AVPR2: variants seen among roughly 807,000 people sequenced by gnomAD.
AVPR2 encodes arginine vasopressin receptor 2, also known as vasopressin V2 receptor.
A neutral mutation model predicts 12.0 loss-of-function variants in AVPR2; 3 were observed. The observed-to-expected ratio is 0.25, with a 90% CI of 0.11 to 0.64. AVPR2 has a LOEUF of 0.64. Ranked by LOEUF, AVPR2 falls within the 30% of genes least tolerant of loss-of-function variation. The pLI, the probability that AVPR2 is intolerant of heterozygous loss-of-function variation, is 0.84. For synonymous variants in AVPR2, 143 were observed against 147.5 expected (o/e 0.97, Z 0.22); for missense variants, 279 against 347.9 (o/e 0.80, Z 1.58).
rs781960162 is a variant in AVPR2, at chrX:153,906,326, C to T, written c.820C>T (p.Leu274=). Residue 274 remains leucine, a synonymous_variant, in exon 3 of 4, where the codon CTA becomes TTA. Transcript: ENST00000646375. ...AAVAKTVRMT[L]VIVVVYVLCW... ...TGTGGCCAAGACTGTGAGGATGACGCTAGTGATTGTGGTCGTCTATGTGCT... is the reference window on the plus strand; with the variant it reads ...TGTGGCCAAGACTGTGAGGATGACGTTAGTGATTGTGGTCGTCTATGTGCT... The T allele has an allele frequency of 2.5e-6, 3 of 1,212,141 alleles. No homozygotes were observed. The Admixed American group carries it at 6.5e-5, about 26-fold the overall frequency.
chrX:153,902,959 C>A, upstream of AVPR2: 1 of 251,195 alleles, frequency 4.0e-6, no homozygotes, highest in Non-Finnish European at 7.6e-6. Flanking sequence ...CAAGGCCCTG[C>A]CAGTCCCCAC....
At chrX:153,906,470 C>A in intron 3 of AVPR2, 53 bp from the exon 4 acceptor site, 1 of 1,202,700 alleles carries the variant, frequency 8.3e-7, no homozygotes, top group Non-Finnish European at 1.1e-6. Flanking sequence ...GGCCGCATGC[C>A]CCTGTGCCCC....
At position 153,905,619 on chromosome X, in the gene AVPR2, G is replaced by A. The variant is rs782052413; in HGVS notation, c.113G>A (p.Arg38Gln). The stretch of plus-strand genomic sequence containing the variant: ...GACACCCGGGACCCGCTGCTAGCCC[G>A]GGCGGAGCTGGCGCTGCTCTCCATA... ...PLDTRDPLLARAELALLSIVF... is the reference protein window; with the variant it reads ...PLDTRDPLLAQAELALLSIVF... Residue 38 changes from arginine (R) to glutamine (Q), a missense_variant, in exon 3 of 4, where the codon CGG becomes CAG. Coordinates refer to ENST00000646375, the MANE Select transcript of AVPR2 (RefSeq NM_000054.7). The A allele has an allele frequency of 5.8e-6, 7 of 1,209,360 alleles. No individual in the cohort carries two copies. The highest frequency in any genetic ancestry group is 3.5e-5 in the African/African-American group (2 of 57,644).
Position 153,906,890 on chromosome X carries a change from C to A in AVPR2, c.*162C>A. On this transcript the variant is annotated 3_prime_UTR_variant, in exon 4 of 4. Transcript: ENST00000646375. ...GGCCCTGGACAAGCCACAGCCCCTGCCTGGGTCTCCACATCCCCAGCTGTA... is the reference window on the plus strand; with the variant it reads ...GGCCCTGGACAAGCCACAGCCCCTGACTGGGTCTCCACATCCCCAGCTGTA... 1.7e-6 allele frequency: 1 copy of A among 587,609 alleles called. No individual in the cohort carries two copies. Among genetic ancestry groups the A allele is most frequent in the Non-Finnish European group, 2.8e-6 (1 of 351,551 alleles). 48.4% of individuals were successfully genotyped at this position (587,609 alleles called of 1,213,427 possible). A position where few individuals can be genotyped will look rare whatever the true frequency, so the allele number is the denominator to read the frequency against.
In AVPR2 at chrX:153,906,629, G is replaced by A. The variant is rs149557877; in HGVS notation, c.1017G>A (p.Leu339=). ...GCGTGTCCTCAGAGCTGCGAAGCTTGCTCTGCTGTGCCCGGGGACGCACCC... is the reference window on the plus strand; with the variant it reads ...GCGTGTCCTCAGAGCTGCGAAGCTTACTCTGCTGTGCCCGGGGACGCACCC... ...SSSVSSELRS[L]LCCARGRTPP... Residue 339 remains leucine (L), a synonymous_variant, in exon 4 of 4, where the codon TTG becomes TTA. Transcript: ENST00000646375. 1.3e-3 allele frequency: 1,507 copies of A among 1,204,842 alleles called. No individual in the cohort carries two copies. The highest frequency in any genetic ancestry group is 1.5e-3 in the Non-Finnish European group (1,326 of 890,960).
chrX:153,904,461 C>T (rs2064949368), upstream of AVPR2, among the ~76,000 whole-genome samples: 1 of 112,367 alleles, frequency 8.9e-6, no homozygotes. Context: ...GAATGCTGAA[C>T]TAAGTGACCT....
At chrX:153,906,487 C>G in intron 3 of AVPR2, 36 bp from the exon 4 acceptor site, 1 of 1,205,627 alleles carries the variant, frequency 8.3e-7, no homozygotes, top group Non-Finnish European at 1.1e-6. Context: ...CCCCACCAGC[C>G]ATCCTGAACC....
Position 153,905,795 on chromosome X carries a change from C to G in AVPR2, c.289C>G (p.Leu97Val), listed in dbSNP as rs782291586. The change falls in exon 3 of 4, where the codon CTG (leucine) becomes GTG (valine). Residue 97 changes from leucine to valine, a missense_variant. Physicochemically the swap from Leu to Val is conservative, Grantham distance 32. Coordinates refer to ENST00000646375, the MANE Select transcript of AVPR2 (RefSeq NM_000054.7). ...GGCTCTGTTCCAAGTGCTGCCCCAG[C>G]TGGCCTGGAAGGCCACCGACCGCTT... The part of the protein sequence containing the change: ...AVALFQVLPQ[L>V]AWKATDRFRG... 8.3e-7 allele frequency: 1 copy of G among 1,207,602 alleles called. No individual in the cohort carries two copies. Among genetic ancestry groups the G allele is most frequent in the Admixed American group, 2.2e-5 (1 of 46,126 alleles).
chrX:153,902,634 C>G, upstream of AVPR2: 1 of 329,654 alleles, frequency 3.0e-6, no homozygotes, highest in South Asian at 2.6e-5. Context: ...CAGTTCCTCC[C>G]CGGGGTCCTG....
chrX:153,903,072 A>G (rs782449004), upstream of AVPR2, among the ~76,000 whole-genome samples: 6 of 112,866 alleles, frequency 5.3e-5, no homozygotes, highest in Admixed American at 3.7e-4. Flanking sequence ...TCAAGGTCAC[A>G]CTACTGGGCA....
In AVPR2 at chrX:153,905,032, C is replaced by T. The variant is rs1246419857; in HGVS notation, c.-114C>T. Reference sequence around the variant, plus strand: ...CGCCAACAGGCATCTGCCATGCTGGCATCTCTATAAGGGCTCCAGTCCAGA... The same window carrying T: ...CGCCAACAGGCATCTGCCATGCTGGTATCTCTATAAGGGCTCCAGTCCAGA... On this transcript the variant is annotated 5_prime_UTR_variant, in exon 2 of 4. Transcript: ENST00000646375. 2.3e-5 allele frequency: 24 copies of T among 1,062,899 alleles called. No homozygotes were observed. The highest frequency in any genetic ancestry group is 3.2e-5 in the Non-Finnish European group (24 of 761,297). The allele number at this position is 1,062,899 out of a possible 1,213,427, so 87.6% of individuals were successfully genotyped here. A position where few individuals can be genotyped will look rare whatever the true frequency, so the allele number is the denominator to read the frequency against.
upstream of AVPR2, chrX:153,904,647 A>C: frequency 7.1e-6 from 1 of 139,910 alleles, no homozygotes; most frequent in Non-Finnish European, 1.4e-5. Context: ...AGGGGGAGGA[A>C]GTCCCCTCCT....
intron 1 of AVPR2, 61 bp from the exon 2 acceptor site, chrX:153,904,913 G>T: frequency 2.1e-6 from 1 of 481,787 alleles, no homozygotes. Flanking sequence ...GGGCTGCCTG[G>T]GGGATCCTGG....
chrX:153,905,665 G>C lies in AVPR2; in HGVS notation c.159G>C (p.Leu53=). Reference sequence around the variant, plus strand: ...CCATAGTCTTTGTGGCTGTGGCCCTGAGCAATGGCCTGGTGCTGGCGGCCC... The same window carrying C: ...CCATAGTCTTTGTGGCTGTGGCCCTCAGCAATGGCCTGGTGCTGGCGGCCC... The part of the protein sequence containing the change: ...LLSIVFVAVA[L]SNGLVLAALA... Residue 53 remains leucine (L), a synonymous_variant, in exon 3 of 4, where the codon CTG becomes CTC. Coordinates refer to ENST00000646375, the MANE Select transcript of AVPR2 (RefSeq NM_000054.7). 8.3e-7 allele frequency: 1 copy of C among 1,211,629 alleles called. No homozygotes were observed. The highest frequency in any genetic ancestry group is 1.7e-5 in the African/African-American group (1 of 58,066).
chrX:153,903,953 G>A (rs781891091), upstream of AVPR2, among the ~76,000 whole-genome samples: 2 of 109,735 alleles, frequency 1.8e-5, no homozygotes, highest in South Asian at 4.0e-4. Flanking sequence ...GGAGGGAGGA[G>A]GAGGGCTCAG....
chrX:153,904,936 C>G (rs782144511), intron 1 of AVPR2, 38 bp from the exon 2 acceptor site: 2 of 519,695 alleles, frequency 3.8e-6, no homozygotes, highest in Non-Finnish European at 6.7e-6. Flanking sequence ...TCTGTGCATC[C>G]GTCTGTCTGA....
Position 153,906,000 on chromosome X carries a change from C to T in AVPR2, c.494C>T (p.Ala165Val). The T allele has an allele frequency of 8.3e-7, 1 of 1,203,903 alleles. No homozygotes were observed. Among genetic ancestry groups the T allele is most frequent in the African/African-American group, 1.7e-5 (1 of 57,961 alleles). The change falls in exon 3 of 4, where the codon GCC becomes GTC. Residue 165 changes from alanine (A) to valine (V), a missense_variant. Transcript: ENST00000646375. ...AACCGGCCGGTGCTAGTGGCTTGGG[C>T]CTTCTCGCTCCTTCTCAGCCTGCCC... ...HWNRPVLVAWAFSLLLSLPQL... is the reference protein window; with the variant it reads ...HWNRPVLVAWVFSLLLSLPQL...
Position 153,906,882 on chromosome X carries a change from A to T in AVPR2, c.*154A>T. 1 of 615,826 alleles carries T rather than the reference A, an allele frequency of 1.6e-6. No homozygotes were observed. Among genetic ancestry groups the T allele is most frequent in the Non-Finnish European group, 2.7e-6 (1 of 375,691 alleles). 50.8% of individuals were successfully genotyped at this position (615,826 alleles called of 1,213,427 possible). ...CACTGTGTGGCCCTGGACAAGCCACAGCCCCTGCCTGGGTCTCCACATCCC... is the reference window on the plus strand; with the variant it reads ...CACTGTGTGGCCCTGGACAAGCCACTGCCCCTGCCTGGGTCTCCACATCCC... On this transcript the variant is annotated 3_prime_UTR_variant, in exon 4 of 4. Coordinates refer to ENST00000646375, the MANE Select transcript of AVPR2 (RefSeq NM_000054.7).
At chrX:153,904,798 C>G (rs2064951198) in intron 1 of AVPR2, 27 bp downstream of exon 1, 1 of 371,441 alleles carries the variant, frequency 2.7e-6, no homozygotes, top group South Asian at 3.6e-5. Flanking sequence ...GCCTGCCCCC[C>G]TGCCCAGTCC....
Sources: allele counts gnomAD v4.1 joint callset (sites outside exome capture counted in the v4.1 genomes callset), GRCh38; gene constraint gnomAD v4.1.1; transcripts MANE v1.5; gene names NCBI Gene and HGNC (gene_info 2026-07-23, HGNC 2026-07-21).